The following DMD variants were observed in gnomAD, a reference collection of about 807,000 sequenced individuals.
DMD encodes dystrophin, also known as mutant dystrophin.
In DMD, 63 loss-of-function variants were observed where a neutral mutation model predicts 330.1. The ratio of observed to expected loss-of-function variants is 0.19; its 90% CI spans 0.16 to 0.24. The LOEUF (loss-of-function observed/expected upper bound fraction) is 0.24, where lower values mean the gene tolerates loss of function less well. Among genes scored for constraint, DMD ranks in the 10% least tolerant of loss-of-function variants. The pLI, the probability that DMD is intolerant of heterozygous loss-of-function variation, is 1.00. For missense variants in DMD, 3,344 were observed against 2,684.1 expected (o/e 1.25, Z -5.43); for synonymous variants, 1,223 against 959.8 (o/e 1.27, Z -5.07).
intron 63 of DMD, among the ~76,000 whole-genome samples, chrX:31,238,058 C>T (rs2047906004): frequency 8.9e-6 from 1 of 111,937 alleles, no homozygotes; most frequent in South Asian, 3.8e-4. Flanking sequence ...AACTATGCTG[C>T]ATTTGGGAGT....
intron 51 of DMD, among the ~76,000 whole-genome samples, chrX:31,734,151 T>A (rs1228262154): frequency 9.0e-6 from 1 of 111,411 alleles, no homozygotes; most frequent in African/African-American, 3.3e-5. Context: ...ACATTATTTT[T>A]AATTATTTAT....
chrX:31,690,634 T>C (rs1473397440), intron 52 of DMD, among the ~76,000 whole-genome samples: 1 of 112,111 alleles, frequency 8.9e-6, no homozygotes, highest in Non-Finnish European at 1.9e-5. Context: ...ACCCAAAGGA[T>C]TATAAATCCT....
At chrX:32,684,771 G>A (rs2062727651) in intron 9 of DMD, among the ~76,000 whole-genome samples, 1 of 110,290 alleles carries the variant, frequency 9.1e-6, no homozygotes, top group Admixed American at 9.7e-5. Context: ...TCATTTTCTG[G>A]CTCATGTTCT....
intron 44 of DMD, among the ~76,000 whole-genome samples, chrX:32,049,595 C>T (rs145527379): frequency 0.011 from 1,179 of 111,424 alleles, 20 homozygotes; most frequent in African/African-American, 0.037. Context: ...TAAACCTGTA[C>T]AATCTATGAC....
intron 52 of DMD, among the ~76,000 whole-genome samples, chrX:31,701,715 T>C (rs2083824021): frequency 8.9e-6 from 1 of 112,435 alleles, no homozygotes; most frequent in African/African-American, 3.2e-5. Context: ...CTTCCTCCTT[T>C]GTGGGAGAGT....
At position 31,958,272 on chromosome X, in the gene DMD, T is replaced by C. The variant is rs148172489; in HGVS notation, c.6614+10067A>G. 2.0e-4 allele frequency among the ~76,000 whole-genome samples: 22 copies of C among 110,184 alleles called. No homozygotes were observed. In the East Asian group the frequency reaches 5.7e-3, roughly 29 times the overall value. On this transcript the variant is annotated intron_variant, in intron 45 of 78. Transcript: ENST00000357033. Reference sequence around the variant, plus strand: ...TTCTTTGTGTTTCCTTTTCATGTTATGGGCTCTGTAGCTACCCTTGTATTG... The same window carrying C: ...TTCTTTGTGTTTCCTTTTCATGTTACGGGCTCTGTAGCTACCCTTGTATTG...
At chrX:32,454,168 T>C (rs992923348) in intron 26 of DMD, among the ~76,000 whole-genome samples, 2 of 111,360 alleles carry the variant, frequency 1.8e-5, no homozygotes, top group Non-Finnish European at 3.8e-5. Context: ...TTTTGTCCTA[T>C]TGTTTCAAGA....
intron 9 of DMD, among the ~76,000 whole-genome samples, chrX:32,677,069 A>G (rs2062021067): frequency 9.0e-6 from 1 of 111,584 alleles, no homozygotes; most frequent in African/African-American, 3.2e-5. Context: ...TAAAATATGT[A>G]ATTTCACTGA....
At chrX:33,166,191 T>A (rs888547683) in intron 1 of DMD, among the ~76,000 whole-genome samples, 2 of 110,994 alleles carry the variant, frequency 1.8e-5, no homozygotes, top group Admixed American at 9.7e-5. Flanking sequence ...ATAGTTTGAA[T>A]AGTAGTCTAG....
intron 59 of DMD, among the ~76,000 whole-genome samples, chrX:31,457,639 G>A (rs2066273834): frequency 8.9e-6 from 1 of 111,892 alleles, no homozygotes; most frequent in Non-Finnish European, 1.9e-5. Flanking sequence ...ACTTATTAAA[G>A]CAAATTAAGC....
chrX:32,170,472 AAAT>A (rs1158251348), intron 44 of DMD, among the ~76,000 whole-genome samples: 3 of 107,103 alleles, frequency 2.8e-5, no homozygotes, highest in African/African-American at 1.0e-4. Flanking sequence ...ACTCCATCTC[AAAT>A]AATAATAATA....
intron 60 of DMD, among the ~76,000 whole-genome samples, chrX:31,405,289 A>C (rs60253063): frequency 0.079 from 8,860 of 111,997 alleles, 392 homozygotes; most frequent in East Asian, 0.36. Flanking sequence ...GCAATGAAAA[A>C]TTAGAACAGA....
At chrX:31,783,226 A>G (rs534994312) in intron 50 of DMD, among the ~76,000 whole-genome samples, 2 of 111,782 alleles carry the variant, frequency 1.8e-5, no homozygotes, top group African/African-American at 6.5e-5. Flanking sequence ...TAAATAATTT[A>G]TTCTGATTTG....
chrX:33,163,467 C>T (rs979319760), intron 1 of DMD, among the ~76,000 whole-genome samples: 14 of 108,090 alleles, frequency 1.3e-4, no homozygotes, highest in Admixed American at 9.0e-4. Context: ...ACCCAGGAGG[C>T]GGAGGTTGCA....
intron 2 of DMD, among the ~76,000 whole-genome samples, chrX:32,943,201 T>G (rs2146837814): frequency 9.0e-6 from 1 of 111,563 alleles, no homozygotes; most frequent in South Asian, 3.7e-4. Flanking sequence ...ATAAAAGAAC[T>G]TATGAAGTAA....
intron 7 of DMD, among the ~76,000 whole-genome samples, chrX:32,700,158 G>T (rs780417224): frequency 1.2e-4 from 13 of 111,720 alleles, no homozygotes; most frequent in African/African-American, 4.2e-4. Flanking sequence ...TTTATGTGAA[G>T]TATGTCATTA....
chrX:32,913,262 G>A (rs2087462655), intron 2 of DMD, among the ~76,000 whole-genome samples: 1 of 111,748 alleles, frequency 8.9e-6, no homozygotes, highest in African/African-American at 3.3e-5. Context: ...TTTTCCTGCC[G>A]AAGGGCTCTA....
intron 13 of DMD, among the ~76,000 whole-genome samples, chrX:32,595,071 A>T (rs1273171761): frequency 1.8e-5 from 2 of 112,028 alleles, no homozygotes; most frequent in African/African-American, 6.5e-5. Flanking sequence ...AGAGGAAAGA[A>T]GATTGAAGAC....
At chrX:32,584,281 G>A (rs912595833) in intron 13 of DMD, among the ~76,000 whole-genome samples, 2 of 111,679 alleles carry the variant, frequency 1.8e-5, no homozygotes, top group African/African-American at 3.2e-5. Flanking sequence ...TAACAAACAA[G>A]TATTCAAGAA....
Sources: gnomAD v4.1 joint callset for allele counts (sites outside exome capture counted in the v4.1 genomes callset) on GRCh38, gnomAD v4.1.1 for gene constraint, MANE v1.5 for transcripts, NCBI Gene and HGNC (gene_info 2026-07-23, HGNC 2026-07-21) for gene names.